Variants in OPCML observed in about 807,000 individuals in gnomAD.
The protein encoded by OPCML is opioid-binding protein/cell adhesion molecule.
Under a neutral mutation model 37.8 loss-of-function variants are expected in OPCML, and 13 were observed. That is an observed-to-expected ratio of 0.34 (90% CI 0.22 to 0.55). The LOEUF (loss-of-function observed/expected upper bound fraction) is 0.55, where lower values mean the gene tolerates loss of function less well. OPCML is among the 20% of genes least tolerant of loss of function. The pLI is 0.91. For missense variants in OPCML, 341 were observed against 435.6 expected (o/e 0.78, Z 1.93); for synonymous variants, 176 against 168.8 (o/e 1.04, Z -0.33).
intron 7 of OPCML, among the ~76,000 whole-genome samples, chr11:132,427,875 T>C (rs2095982955): frequency 6.6e-6 from 1 of 152,160 alleles, no homozygotes; most frequent in Non-Finnish European, 1.5e-5. Context: ...TGTCTGCAGT[T>C]TTTTTCTACT....
In OPCML at chr11:133,120,902, G is replaced by A. The variant is rs149314156; in HGVS notation, c.62-177892C>T. Among the ~76,000 whole-genome samples the A allele has an allele frequency of 9.2e-5, 14 of 152,136 alleles. No homozygotes were observed. In the East Asian group the frequency reaches 1.2e-3, roughly 13 times the overall value. On this transcript the variant is annotated intron_variant, in intron 1 of 7. Transcript: ENST00000524381. ...GTCACCCACAATTCTACTTACTTACGGTAATTCACTAAACACCCCATCATA... is the reference window on the plus strand; with the variant it reads ...GTCACCCACAATTCTACTTACTTACAGTAATTCACTAAACACCCCATCATA...
chr11:132,572,538 C>G (rs969827494), intron 3 of OPCML, among the ~76,000 whole-genome samples: 6 of 151,898 alleles, frequency 4.0e-5, no homozygotes, highest in African/African-American at 1.4e-4. Context: ...TTCTTGGCAC[C>G]CTTGTTGAAG....
At chr11:132,733,150 G>T (rs879633953) in intron 2 of OPCML, among the ~76,000 whole-genome samples, 1 of 151,880 alleles carries the variant, frequency 6.6e-6, no homozygotes, top group Non-Finnish European at 1.5e-5. Flanking sequence ...TTCTGGGAGC[G>T]AACATTTAAC....
intron 1 of OPCML, among the ~76,000 whole-genome samples, chr11:133,317,122 C>T (rs1251566514): frequency 6.6e-6 from 1 of 152,180 alleles, no homozygotes; most frequent in Non-Finnish European, 1.5e-5. Context: ...CACCTGAACC[C>T]AGAGGCGGAG....
intron 1 of OPCML, among the ~76,000 whole-genome samples, chr11:133,485,373 A>T (rs1947504444): frequency 6.6e-6 from 1 of 152,166 alleles, no homozygotes; most frequent in Non-Finnish European, 1.5e-5. Context: ...TTATGGAGGA[A>T]TTTTTTTAAT....
intron 1 of OPCML, among the ~76,000 whole-genome samples, chr11:133,362,481 G>C (rs1944445298): frequency 6.6e-6 from 1 of 152,178 alleles, no homozygotes; most frequent in Admixed American, 6.5e-5. Context: ...GGCCTCCGGG[G>C]AAGTGAGCTG....
chr11:133,360,424 G>C (rs1275474241), intron 1 of OPCML: 1 of 152,248 alleles, frequency 6.6e-6, no homozygotes, highest in African/African-American at 2.4e-5. Context: ...GGGGAAGGAA[G>C]GAAGCCGGTC....
chr11:132,518,486 C>A (rs2096285147), intron 4 of OPCML, among the ~76,000 whole-genome samples: 1 of 152,184 alleles, frequency 6.6e-6, no homozygotes, highest in African/African-American at 2.4e-5. Flanking sequence ...GCATTCAAGA[C>A]ACAGCTCTTT....
At chr11:133,491,254 C>T (rs537386948) in intron 1 of OPCML, among the ~76,000 whole-genome samples, 2 of 152,292 alleles carry the variant, frequency 1.3e-5, no homozygotes, top group East Asian at 3.9e-4. Flanking sequence ...CTTGCCAGGG[C>T]TCACGTCCCA....
intron 1 of OPCML, among the ~76,000 whole-genome samples, chr11:133,337,957 C>G (rs76750283): frequency 6.6e-6 from 1 of 151,788 alleles, no homozygotes; most frequent in Non-Finnish European, 1.5e-5. Context: ...TTTCAGCTCC[C>G]GTGCCCAGCC....
intron 3 of OPCML, among the ~76,000 whole-genome samples, chr11:132,587,233 A>G (rs1226365700): frequency 6.6e-6 from 1 of 152,248 alleles, no homozygotes; most frequent in East Asian, 1.9e-4. Context: ...GCAAAAGGAC[A>G]TAACATCTCC....
rs1350115496 is a variant in OPCML, at chr11:132,943,874, C to A, written c.62-864G>T. On this transcript the variant is annotated intron_variant, in intron 1 of 7. Coordinates refer to ENST00000524381, the MANE Select transcript of OPCML (RefSeq NM_001012393.5). The surrounding 1 kb of genome is among the most constrained non-coding windows in gnomAD (Gnocchi z 4.3). Reference sequence around the variant, plus strand: ...GGACGCCACGCTCAGCGGCCGCCCCCGGCCTCCGCGCCGCCTTCCTCCCGG... The same window carrying A: ...GGACGCCACGCTCAGCGGCCGCCCCAGGCCTCCGCGCCGCCTTCCTCCCGG... 1 of 151,226 alleles carries A rather than the reference C, an allele frequency of 6.6e-6. No individual in the cohort carries two copies. Among genetic ancestry groups the A allele is most frequent in the African/African-American group, 2.4e-5 (1 of 41,322 alleles). 9.4% of individuals were successfully genotyped at this position (151,226 alleles called of 1,614,324 possible). A position where few individuals can be genotyped will look rare whatever the true frequency, so the allele number is the denominator to read the frequency against.
intron 1 of OPCML, among the ~76,000 whole-genome samples, chr11:133,115,416 G>A (rs1348578828): frequency 5.3e-5 from 8 of 152,172 alleles, no homozygotes; most frequent in African/African-American, 7.2e-5. Context: ...CGATCTCCCC[G>A]GAGTAGATTC....
chr11:133,394,988 C>T (rs1297785099), intron 1 of OPCML, among the ~76,000 whole-genome samples: 2 of 152,322 alleles, frequency 1.3e-5, no homozygotes, highest in South Asian at 2.1e-4. Context: ...TACATTCCCA[C>T]TGACAGTGTA....
At chr11:133,017,712 T>A (rs1304096475) in intron 1 of OPCML, among the ~76,000 whole-genome samples, 2 of 152,170 alleles carry the variant, frequency 1.3e-5, no homozygotes, top group African/African-American at 2.4e-5. Context: ...ATAGTTTATA[T>A]CTTTGATGCT....
chr11:132,436,509 G>C, intron 6 of OPCML, 150 bp downstream of exon 6: 4 of 1,422,518 alleles, frequency 2.8e-6, no homozygotes, highest in South Asian at 1.5e-5. Flanking sequence ...TTTTTTTCTC[G>C]TTGTAAAAAT....
At chr11:132,996,537 G>A (rs563191335) in intron 1 of OPCML, among the ~76,000 whole-genome samples, 12 of 151,262 alleles carry the variant, frequency 7.9e-5, no homozygotes, top group Admixed American at 2.0e-4. Context: ...GCTTGAACCC[G>A]GGATGCAGAA....
At chr11:132,522,895 T>C (rs1304690237) in intron 4 of OPCML, among the ~76,000 whole-genome samples, 1 of 152,222 alleles carries the variant, frequency 6.6e-6, no homozygotes, top group Non-Finnish European at 1.5e-5. Flanking sequence ...TTTAGGAATT[T>C]CTAGCATGAA....
At chr11:132,755,757 C>T (rs1258475585) in intron 2 of OPCML, among the ~76,000 whole-genome samples, 2 of 152,122 alleles carry the variant, frequency 1.3e-5, no homozygotes, top group African/African-American at 4.8e-5. Flanking sequence ...TTTTATAAGT[C>T]CTTTACAGTC....
Sources: gnomAD v4.1 joint callset for allele counts (sites outside exome capture counted in the v4.1 genomes callset) on GRCh38, gnomAD v4.1.1 for gene constraint, Gnocchi (gnomAD v3.1) non-coding constraint, MANE v1.5 for transcripts, NCBI Gene and HGNC (gene_info 2026-07-23, HGNC 2026-07-21) for gene names.